Variants in NRXN3 observed in about 807,000 individuals in gnomAD.
NRXN3 encodes neurexin III.
NRXN3 carries 32 observed loss-of-function variants against 137.6 expected under a neutral mutation model. That is an observed-to-expected ratio of 0.23 (90% CI 0.18 to 0.31). The LOEUF is 0.31. NRXN3 is among the 10% of genes least tolerant of loss of function. The pLI, the probability that NRXN3 is intolerant of heterozygous loss-of-function variation, is 1.00. For missense variants in NRXN3, 1,574 were observed against 2,062.5 expected (o/e 0.76, Z 4.59); for synonymous variants, 798 against 784.5 (o/e 1.02, Z -0.29).
intron 16 of NRXN3, among the ~76,000 whole-genome samples, chr14:79,536,283 G>T (rs1273616895): frequency 6.6e-6 from 1 of 152,122 alleles, no homozygotes; most frequent in African/African-American, 2.4e-5. Flanking sequence ...TGTGATCCAT[G>T]ATTACATCAT....
rs2098387885 is a variant in NRXN3, at chr14:78,709,573, C to T, written c.1578C>T (p.Gly526=). ...ACTTGCTGCTTGACATGGGCTCTGG[C>T]ACCATCAAAGTGAAAGCCACTCAGA... The part of the protein sequence containing the change: ...NLYLLLDMGS[G]TIKVKATQKK... The change falls in exon 7 of 21, where the codon GGC becomes GGT. Residue 526 remains glycine, a synonymous_variant. Coordinates refer to ENST00000335750, the MANE Select transcript of NRXN3 (RefSeq NM_001330195.2). 1 of 1,614,010 alleles carries T rather than the reference C, an allele frequency of 6.2e-7. No homozygotes were observed. Among genetic ancestry groups the T allele is most frequent in the African/African-American group, 1.3e-5 (1 of 75,008 alleles).
intron 16 of NRXN3, among the ~76,000 whole-genome samples, chr14:79,528,925 C>T (rs2097145463): frequency 1.3e-5 from 2 of 152,130 alleles, no homozygotes; most frequent in African/African-American, 2.4e-5. Flanking sequence ...TTAATGATCA[C>T]ATCCTGAACA....
rs869170695 is a variant in NRXN3 at position 79,441,366 on chromosome 14, C to CTTTTT, written c.3263-25828_3263-25824dup. ...GAATATCCCTGGACAAACAGAAAAT[C>CTTTTT]TTTTTTTTTTTTTTTTTTTTTTTTT... On this transcript the variant is annotated intron_variant, in intron 15 of 20. Coordinates refer to ENST00000335750, the MANE Select transcript of NRXN3 (RefSeq NM_001330195.2). 8.1e-3 allele frequency among the ~76,000 whole-genome samples: 543 copies of CTTTTT among 67,268 alleles called. 81 individuals are homozygous for CTTTTT. The highest frequency in any genetic ancestry group is 0.041 in the East Asian group (49 of 1,182). 44.1% of individuals were successfully genotyped at this position (67,268 alleles called of 152,430 possible). A position where few individuals can be genotyped will look rare whatever the true frequency, so the allele number is the denominator to read the frequency against.
At chr14:79,505,134 G>A (rs1385740351) in intron 16 of NRXN3, among the ~76,000 whole-genome samples, 2 of 150,728 alleles carry the variant, frequency 1.3e-5, no homozygotes, top group African/African-American at 4.9e-5. Context: ...AGAATCGCTT[G>A]AACTTAGGAG....
chr14:78,340,004 A>AT (rs1479695108), intron 4 of NRXN3, among the ~76,000 whole-genome samples: 2 of 152,216 alleles, frequency 1.3e-5, no homozygotes, highest in Non-Finnish European at 2.9e-5. Context: ...AACAGCTGAA[A>AT]TTCATGGAGG....
chr14:78,508,857 T>TA (rs1482354562), intron 4 of NRXN3, among the ~76,000 whole-genome samples: 3 of 152,088 alleles, frequency 2.0e-5, no homozygotes, highest in Non-Finnish European at 2.9e-5. Flanking sequence ...TTTACCACAA[T>TA]AAAAAAATAG....
Position 79,640,599 on chromosome 14 carries a change from A to AAAGTCCTTTATGC in NRXN3, c.3445-23175_3445-23174insCCTTTATGCAAGT, listed in dbSNP as rs1384510455. Reference sequence around the variant, plus strand: ...TTGCAAAGTCCTTTATGCAGTACTCAAAGTATGTCCATGCCATTTAGCTCC... The same window carrying AAAGTCCTTTATGC: ...TTGCAAAGTCCTTTATGCAGTACTCAAAGTCCTTTATGCAAGTATGTCCATGCCATTTAGCTCC... On this transcript the variant is annotated intron_variant, in intron 16 of 20. Transcript: ENST00000335750. 1.5e-5 allele frequency among the ~76,000 whole-genome samples: 2 copies of AAAGTCCTTTATGC among 135,742 alleles called. 1 individual carries two copies. Among genetic ancestry groups the AAAGTCCTTTATGC allele is most frequent in the East Asian group, 3.9e-4 (2 of 5,116 alleles). 89.1% of individuals were successfully genotyped at this position (135,742 alleles called of 152,430 possible).
At chr14:78,789,193 T>C (rs919038024) in intron 8 of NRXN3, among the ~76,000 whole-genome samples, 3 of 152,190 alleles carry the variant, frequency 2.0e-5, no homozygotes, top group African/African-American at 7.2e-5. Flanking sequence ...AAAAAGCAAG[T>C]CTGATCATGT....
At chr14:79,391,780 A>G (rs182442808) in intron 15 of NRXN3, among the ~76,000 whole-genome samples, 380 of 152,316 alleles carry the variant, frequency 2.5e-3, no homozygotes, top group Admixed American at 4.7e-3. Context: ...ATGAAATTGC[A>G]TTGATTTCTA....
intron 4 of NRXN3, among the ~76,000 whole-genome samples, chr14:78,622,605 A>G (rs2097417262): frequency 6.6e-6 from 1 of 151,716 alleles, no homozygotes; most frequent in Admixed American, 6.6e-5. Flanking sequence ...GCTCTTTCTT[A>G]TAGCTTACAA....
At chr14:78,715,186 T>G (rs577791958) in intron 8 of NRXN3, 47 bp downstream of exon 8, 2 of 1,575,866 alleles carry the variant, frequency 1.3e-6, no homozygotes, top group Admixed American at 3.4e-5. Context: ...GTGGGGCTGA[T>G]GTGTTACAGT....
At chr14:79,702,196 A>G (rs1372507764) in intron 19 of NRXN3, among the ~76,000 whole-genome samples, 1 of 152,062 alleles carries the variant, frequency 6.6e-6, no homozygotes, top group Non-Finnish European at 1.5e-5. Flanking sequence ...CCCATCTTTA[A>G]AGTTCTGTTT....
intron 8 of NRXN3, among the ~76,000 whole-genome samples, chr14:78,733,634 C>T (rs1419179989): frequency 3.3e-5 from 5 of 152,084 alleles, no homozygotes; most frequent in Non-Finnish European, 7.4e-5. Context: ...TTGTCAGGAG[C>T]TTGTTGCTCT....
intron 15 of NRXN3, among the ~76,000 whole-genome samples, chr14:79,066,817 T>C (rs2099681355): frequency 6.6e-6 from 1 of 152,120 alleles, no homozygotes; most frequent in African/African-American, 2.4e-5. Flanking sequence ...ATTGATTTTA[T>C]ATTCTGAGAC....
At chr14:79,398,970 C>T (rs536138180) in intron 15 of NRXN3, among the ~76,000 whole-genome samples, 9 of 136,028 alleles carry the variant, frequency 6.6e-5, no homozygotes, top group East Asian at 2.3e-4. Flanking sequence ...GATTGTGCCA[C>T]TGCACTCCAG....
At chr14:79,624,146 C>T (rs1420251190) in intron 16 of NRXN3, among the ~76,000 whole-genome samples, 1 of 152,140 alleles carries the variant, frequency 6.6e-6, no homozygotes. Flanking sequence ...TGTTACACTT[C>T]CCACATGGCT....
intron 10 of NRXN3, among the ~76,000 whole-genome samples, chr14:78,845,437 A>T (rs1235159094): frequency 1.3e-5 from 2 of 152,072 alleles, no homozygotes; most frequent in African/African-American, 4.8e-5. Flanking sequence ...TACTTTTAGT[A>T]TTCTTAATTC....
At chr14:79,757,896 A>G (rs2099025119) in intron 19 of NRXN3, among the ~76,000 whole-genome samples, 1 of 152,230 alleles carries the variant, frequency 6.6e-6, no homozygotes. Context: ...AGGTCAAAGC[A>G]AAAGAAACCA....
chr14:79,250,149 T>A (rs564324314), intron 15 of NRXN3, among the ~76,000 whole-genome samples: 1 of 152,250 alleles, frequency 6.6e-6, no homozygotes. Flanking sequence ...GAATTCTAAA[T>A]ATATAGTAAA....
Sources: gnomAD v4.1 joint callset for allele counts (sites outside exome capture counted in the v4.1 genomes callset) on GRCh38, gnomAD v4.1.1 for gene constraint, MANE v1.5 for transcripts, NCBI Gene and HGNC (gene_info 2026-07-23, HGNC 2026-07-21) for gene names.